Variants in SLCO2A1 observed in about 807,000 individuals in gnomAD.
SLCO2A1 encodes the protein solute carrier organic anion transporter family member 2A1.
In SLCO2A1, 60 loss-of-function variants were observed where a neutral mutation model predicts 71.7. That is an observed-to-expected ratio of 0.84 (90% CI 0.68 to 1.04). SLCO2A1 has a LOEUF of 1.04. SLCO2A1 is among the 50% of genes least tolerant of loss of function. The pLI is 0.00. For synonymous variants in SLCO2A1, 308 were observed against 326.7 expected (o/e 0.94, Z 0.62); for missense variants, 745 against 813.4 (o/e 0.92, Z 1.02).
chr3:134,018,546 G>A (rs1935509345), intron 1 of SLCO2A1, among the ~76,000 whole-genome samples: 1 of 152,060 alleles, frequency 6.6e-6, no homozygotes, highest in South Asian at 2.1e-4. Flanking sequence ...CTATTCTCCA[G>A]CCCTCAGTCT....
At chr3:134,000,684 C>A (rs1935088737) in intron 1 of SLCO2A1, among the ~76,000 whole-genome samples, 1 of 152,190 alleles carries the variant, frequency 6.6e-6, no homozygotes, top group Non-Finnish European at 1.5e-5. Context: ...TTCTGGTGCA[C>A]ATGGAATCAA....
chr3:134,029,358 T>C (rs1247780518), intron 1 of SLCO2A1, among the ~76,000 whole-genome samples: 2 of 152,192 alleles, frequency 1.3e-5, no homozygotes, highest in Non-Finnish European at 2.9e-5. Context: ...CTCGAGATGA[T>C]CTTTTTCAAT....
At chr3:134,011,872 T>C (rs4854788) in intron 1 of SLCO2A1, among the ~76,000 whole-genome samples, 146,898 of 152,250 alleles carry the variant, frequency 0.96, 71,075 homozygotes, top group Middle Eastern at 1. Flanking sequence ...AGAGCTGGGG[T>C]GTGAGAACAG....
At chr3:133,998,528 G>C (rs1396468408) in intron 1 of SLCO2A1, 1 of 152,350 alleles carries the variant, frequency 6.6e-6, no homozygotes, top group African/African-American at 2.4e-5. Flanking sequence ...GGAGGGTTCT[G>C]ACTGTTCATG....
At chr3:133,967,328 G>A (rs1934204144) in intron 3 of SLCO2A1, among the ~76,000 whole-genome samples, 1 of 152,200 alleles carries the variant, frequency 6.6e-6, no homozygotes. Flanking sequence ...AGAAAAGCCT[G>A]ACAGAGAGTC....
intron 9 of SLCO2A1, among the ~76,000 whole-genome samples, chr3:133,946,089 C>G (rs142150807): frequency 0.012 from 1,762 of 152,212 alleles, 19 homozygotes; most frequent in Admixed American, 0.019. Context: ...CCAAAAGGCC[C>G]AAAGGCTTCT....
chr3:133,984,413 C>T (rs981758196), intron 1 of SLCO2A1, among the ~76,000 whole-genome samples: 1 of 152,100 alleles, frequency 6.6e-6, no homozygotes, highest in Non-Finnish European at 1.5e-5. Context: ...TATATCTGGA[C>T]CCCTTGGTTC....
chr3:134,002,343 G>A (rs1008268498), intron 1 of SLCO2A1, among the ~76,000 whole-genome samples: 5 of 152,170 alleles, frequency 3.3e-5, no homozygotes, highest in African/African-American at 7.2e-5. Context: ...ACAGCCCTCA[G>A]TTTTTGCCCC....
At chr3:133,989,372 G>GTCAA (rs1934787243) in intron 1 of SLCO2A1, among the ~76,000 whole-genome samples, 2 of 152,234 alleles carry the variant, frequency 1.3e-5, no homozygotes, top group Non-Finnish European at 2.9e-5. Context: ...AAAATGCCAA[G>GTCAA]GACCTGGACA....
At chr3:133,966,339 TTCAA>T (rs542722978) in intron 3 of SLCO2A1, among the ~76,000 whole-genome samples, 1 of 152,308 alleles carries the variant, frequency 6.6e-6, no homozygotes, top group East Asian at 1.9e-4. Context: ...TCCCATGGTG[TTCAA>T]ACACATCAGC....
chr3:134,019,598 T>G (rs1935527228), intron 1 of SLCO2A1, among the ~76,000 whole-genome samples: 1 of 152,116 alleles, frequency 6.6e-6, no homozygotes, highest in Non-Finnish European at 1.5e-5. Context: ...CATAATCCTT[T>G]TTGAGCCCCA....
intron 1 of SLCO2A1, among the ~76,000 whole-genome samples, chr3:134,026,614 C>T (rs1316810191): frequency 1.3e-5 from 2 of 152,094 alleles, no homozygotes; most frequent in African/African-American, 4.8e-5. Flanking sequence ...CCCCCATTTA[C>T]GTGATCAACT....
chr3:133,999,004 T>C (rs1300382699), intron 1 of SLCO2A1, among the ~76,000 whole-genome samples: 1 of 152,242 alleles, frequency 6.6e-6, no homozygotes, highest in Non-Finnish European at 1.5e-5. Context: ...TTGCCCCCTC[T>C]CTGGCCTTCT....
chr3:133,987,100 A>C (rs936373223), intron 1 of SLCO2A1, among the ~76,000 whole-genome samples: 1 of 150,648 alleles, frequency 6.6e-6, no homozygotes, highest in Non-Finnish European at 1.5e-5. Context: ...CTGATGTCTT[A>C]TGTCCATGTA....
At chr3:133,935,595 C>T (rs994088901) in intron 13 of SLCO2A1, among the ~76,000 whole-genome samples, 179 bp downstream of exon 13, 1 of 152,188 alleles carries the variant, frequency 6.6e-6, no homozygotes, top group African/African-American at 2.4e-5. Flanking sequence ...CCCTGTGAGC[C>T]CTGAAATGCC....
At position 133,934,488 on chromosome 3, in the gene SLCO2A1, ACT is replaced by A. The variant is rs1343425642; in HGVS notation, c.*223_*224del. The A allele has an allele frequency of 2.3e-6, 1 of 439,296 alleles. No individual in the cohort carries two copies. The highest frequency in any genetic ancestry group is 4.1e-6 in the Non-Finnish European group (1 of 242,378). The allele number at this position is 439,296 out of a possible 1,614,324, so 27.2% of individuals were successfully genotyped here. On this transcript the variant is annotated 3_prime_UTR_variant, in exon 14 of 14. Coordinates refer to ENST00000310926, the MANE Select transcript of SLCO2A1 (RefSeq NM_005630.3). Reference sequence around the variant, plus strand: ...GGCCTCTTCCAAGGGGCCAGGGAAGACTCAGCCCCCCAGTTCTGGCCCACACA... The same window carrying A: ...GGCCTCTTCCAAGGGGCCAGGGAAGACAGCCCCCCAGTTCTGGCCCACACA...
chr3:133,947,305 A>G lies in SLCO2A1; in HGVS notation c.1246T>C (p.Phe416Leu), dbSNP rs1933607997. ...TISMILCVPL[F>L]FMGCSTPTVA... Reference sequence around the variant, plus strand: ...GTTGGGGTGGAGCATCCCATGAAGAACAAAGGAACACAAAGGATCATGGAG... The same window carrying G: ...GTTGGGGTGGAGCATCCCATGAAGAGCAAAGGAACACAAAGGATCATGGAG... The change falls in exon 9 of 14, where the codon TTC becomes CTC. Residue 416 changes from phenylalanine to leucine, a missense_variant. Phe to Leu is a conservative substitution (Grantham distance 22, BLOSUM62 0). Coordinates refer to ENST00000310926, the MANE Select transcript of SLCO2A1 (RefSeq NM_005630.3). 1 of 1,614,048 alleles carries G rather than the reference A, an allele frequency of 6.2e-7. No individual in the cohort carries two copies. The highest frequency in any genetic ancestry group is 8.5e-7 in the Non-Finnish European group (1 of 1,180,050).
chr3:133,959,990 C>A (rs534599666), intron 3 of SLCO2A1, among the ~76,000 whole-genome samples: 1 of 151,986 alleles, frequency 6.6e-6, no homozygotes, highest in Non-Finnish European at 1.5e-5. Flanking sequence ...CATGGTGGCT[C>A]GCACTTGTAG....
At chr3:133,979,733 G>T in intron 1 of SLCO2A1, 115 bp from the exon 2 acceptor site, 1 of 1,152,250 alleles carries the variant, frequency 8.7e-7, no homozygotes, top group South Asian at 1.6e-5. Context: ...TGTTATCTAG[G>T]AGCAGTTACT....
Sources: allele counts gnomAD v4.1 joint callset (sites outside exome capture counted in the v4.1 genomes callset), GRCh38; gene constraint gnomAD v4.1.1; transcripts MANE v1.5; gene names NCBI Gene and HGNC (gene_info 2026-07-23, HGNC 2026-07-21).